The following SERGEF variants were observed in gnomAD, a reference collection of about 807,000 sequenced individuals.
SERGEF encodes the protein secretion regulating guanine nucleotide exchange factor, also known as secretion-regulating guanine nucleotide exchange factor.
Under a neutral mutation model 50.0 loss-of-function variants are expected in SERGEF, and 51 were observed. The observed-to-expected ratio is 1.02, with a 90% CI of 0.81 to 1.29. The LOEUF (loss-of-function observed/expected upper bound fraction) is 1.29. SERGEF is among the 50% of genes most tolerant of loss of function. The pLI is 0.00. For missense variants in SERGEF, 521 were observed against 557.0 expected, an observed-to-expected ratio of 0.94 and a Z score of 0.65; for synonymous variants, 205 against 212.4, an observed-to-expected ratio of 0.97 and a Z score of 0.30.
chr11:17,892,319 A>G (rs570854767), intron 9 of SERGEF, among the ~76,000 whole-genome samples: 1 of 152,288 alleles, frequency 6.6e-6, no homozygotes, highest in East Asian at 1.9e-4. Context: ...AATGTGACAC[A>G]AGTAGAGATT....
chr11:18,004,663 C>G (rs1854035510), intron 3 of SERGEF, 128 bp from the exon 4 acceptor site: 1 of 659,902 alleles, frequency 1.5e-6, no homozygotes, highest in Non-Finnish European at 2.7e-6. Context: ...AGACCATATT[C>G]CCTGCTTTTA....
intron 9 of SERGEF, among the ~76,000 whole-genome samples, chr11:17,878,991 C>A (rs1344138824): frequency 3.3e-5 from 5 of 152,210 alleles, no homozygotes; most frequent in Admixed American, 2.6e-4. Context: ...TGCCTTTTAT[C>A]ATTGTTTCCT....
intron 9 of SERGEF, among the ~76,000 whole-genome samples, chr11:17,902,793 G>C (rs1851770838): frequency 6.6e-6 from 1 of 152,226 alleles, no homozygotes; most frequent in Non-Finnish European, 1.5e-5. Context: ...CAGGACTAGA[G>C]TTGCCAACAT....
intron 10 of SERGEF, among the ~76,000 whole-genome samples, chr11:17,848,798 T>TA (rs1244309122): frequency 6.6e-6 from 1 of 152,224 alleles, no homozygotes; most frequent in Non-Finnish European, 1.5e-5. Flanking sequence ...TATGAATTAA[T>TA]AAATGAAAGT....
At chr11:18,001,270 C>A (rs972839161) in intron 4 of SERGEF, among the ~76,000 whole-genome samples, 19 of 152,322 alleles carry the variant, frequency 1.2e-4, no homozygotes, top group African/African-American at 4.1e-4. Context: ...TGCTACTCCT[C>A]CCTTCAAGAT....
intron 8 of SERGEF, among the ~76,000 whole-genome samples, chr11:17,975,872 C>T (rs1334265208): frequency 6.6e-6 from 1 of 152,132 alleles, no homozygotes; most frequent in Non-Finnish European, 1.5e-5. Flanking sequence ...AGAGCACTTC[C>T]CACTTCTATA....
chr11:17,907,575 C>T (rs772930472), intron 9 of SERGEF, among the ~76,000 whole-genome samples: 6 of 152,178 alleles, frequency 3.9e-5, no homozygotes, highest in Admixed American at 2.0e-4. Flanking sequence ...GAGATAGCTC[C>T]GCAAATAAGG....
At chr11:18,010,788 A>C (rs1854178081) in intron 1 of SERGEF, among the ~76,000 whole-genome samples, 1 of 152,184 alleles carries the variant, frequency 6.6e-6, no homozygotes, top group African/African-American at 2.4e-5. Flanking sequence ...GGCCCAAAGA[A>C]GATGTACATA....
intron 10 of SERGEF, among the ~76,000 whole-genome samples, chr11:17,877,264 G>T (rs959990578): frequency 1.3e-5 from 2 of 152,194 alleles, no homozygotes; most frequent in Non-Finnish European, 2.9e-5. Context: ...TGTAACAAGA[G>T]TCCTAAAATA....
intron 8 of SERGEF, among the ~76,000 whole-genome samples, chr11:17,972,740 G>C (rs1246848671): frequency 6.6e-6 from 1 of 152,080 alleles, no homozygotes; most frequent in Non-Finnish European, 1.5e-5. Context: ...ATTGAGACCT[G>C]CCTCACCTAA....
intron 8 of SERGEF, among the ~76,000 whole-genome samples, chr11:17,979,603 G>GTGAA (rs2133988332): frequency 6.6e-6 from 1 of 152,276 alleles, no homozygotes; most frequent in South Asian, 2.1e-4. Flanking sequence ...GAGGCGCTCA[G>GTGAA]TGAATGCAAG....
intron 10 of SERGEF, among the ~76,000 whole-genome samples, chr11:17,854,213 A>G (rs1020034144): frequency 1.3e-5 from 2 of 152,174 alleles, no homozygotes; most frequent in Non-Finnish European, 2.9e-5. Context: ...ACTGTAATTA[A>G]GTAGCTCTGC....
At chr11:17,923,754 C>A (rs565826206) in intron 9 of SERGEF, among the ~76,000 whole-genome samples, 75 of 152,294 alleles carry the variant, frequency 4.9e-4, no homozygotes, top group African/African-American at 1.8e-3. Flanking sequence ...ACAGCTCCAG[C>A]CCTCCCCCAG....
Position 18,004,438 on chromosome 11 carries a change from C to T in SERGEF, c.447+3G>A. The T allele has an allele frequency of 6.2e-7, 1 of 1,609,318 alleles. No individual in the cohort carries two copies. Among genetic ancestry groups the T allele is most frequent in the South Asian group, 1.1e-5 (1 of 90,760 alleles). On this transcript the variant is annotated splice_donor_region_variant and intron_variant, in intron 4 of 10. Transcript: ENST00000265965. The stretch of plus-strand genomic sequence containing the variant: ...GGGCAAGCTAAATATTAACTGTCCT[C>T]ACCTCAATGGCCTGGGGAACCACAC...
At chr11:17,999,452 C>T in intron 5 of SERGEF, 1 of 357,876 alleles carries the variant, frequency 2.8e-6, no homozygotes. Context: ...CAATGCTAAG[C>T]CCAGGACTAT....
intron 9 of SERGEF, among the ~76,000 whole-genome samples, chr11:17,946,987 T>C (rs1242646815): frequency 6.6e-6 from 1 of 152,080 alleles, no homozygotes; most frequent in African/African-American, 2.4e-5. Flanking sequence ...CCTAACAGGG[T>C]AAGACACACA....
intron 10 of SERGEF, chr11:17,846,535 G>T: frequency 5.6e-6 from 2 of 358,184 alleles, no homozygotes; most frequent in Admixed American, 3.6e-5. Context: ...TTTTTTCTCT[G>T]AAGTATTGAA....
intron 10 of SERGEF, among the ~76,000 whole-genome samples, chr11:17,859,102 G>A (rs1388279857): frequency 6.6e-6 from 1 of 151,974 alleles, no homozygotes; most frequent in Non-Finnish European, 1.5e-5. Flanking sequence ...CATCTACAGG[G>A]CAAACAAAAA....
Position 18,000,195 on chromosome 11 carries a change from C to A in SERGEF, c.508+302G>T, listed in dbSNP as rs959813200. ...GGGCACAGTGGCTCACACTTGTAAT[C>A]CCAGTACTTTGGAAGGCCAAGGCGG... On this transcript the variant is annotated intron_variant, in intron 5 of 10. Coordinates refer to ENST00000265965, the MANE Select transcript of SERGEF (RefSeq NM_012139.4). 2.0e-5 allele frequency among the ~76,000 whole-genome samples: 3 copies of A among 152,316 alleles called. No homozygotes were observed. The East Asian group carries it at 5.8e-4, about 29-fold the overall frequency.
Sources: allele counts gnomAD v4.1 joint callset (sites outside exome capture counted in the v4.1 genomes callset), GRCh38; gene constraint gnomAD v4.1.1; transcripts MANE v1.5; gene names NCBI Gene and HGNC (gene_info 2026-07-23, HGNC 2026-07-21).